Variants in MCTP1 observed in about 807,000 individuals in gnomAD.
MCTP1 encodes the protein multiple C2 and transmembrane domain containing 1.
MCTP1 carries 69 observed loss-of-function variants against 120.6 expected under a neutral mutation model. The observed-to-expected ratio is 0.57, with a 90% CI of 0.47 to 0.70. The LOEUF is 0.70. Ranked by LOEUF, MCTP1 falls within the 30% of genes least tolerant of loss-of-function variation. The pLI is 0.00. For missense variants in MCTP1, 1,203 were observed against 1,248.8 expected, an observed-to-expected ratio of 0.96 and a Z score of 0.55; for synonymous variants, 529 against 493.1, an observed-to-expected ratio of 1.07 and a Z score of -0.96.
intron 1 of MCTP1, among the ~76,000 whole-genome samples, chr5:95,139,542 A>G (rs1759736249): frequency 6.6e-6 from 1 of 152,220 alleles, no homozygotes; most frequent in South Asian, 2.1e-4. Flanking sequence ...TATTTTAGCC[A>G]AAGGAATTTT....
chr5:95,122,337 AAG>A (rs1758306122), intron 1 of MCTP1, among the ~76,000 whole-genome samples: 1 of 152,162 alleles, frequency 6.6e-6, no homozygotes, highest in Non-Finnish European at 1.5e-5. Flanking sequence ...AAATAGACAG[AAG>A]ATCTGAATAA....
At chr5:95,243,020 G>C (rs568607999) in intron 1 of MCTP1, among the ~76,000 whole-genome samples, 1 of 152,180 alleles carries the variant, frequency 6.6e-6, no homozygotes, top group Non-Finnish European at 1.5e-5. Flanking sequence ...CCATAAGCAA[G>C]ATGAATCCCA....
chr5:95,055,104 T>C lies in MCTP1; in HGVS notation c.721-37620A>G, dbSNP rs780214019. Among the ~76,000 whole-genome samples, 667 of 151,652 alleles carry C rather than the reference T, an allele frequency of 4.4e-3. 16 individuals are homozygous for C. The highest frequency in any genetic ancestry group is 1.2e-3 in the Non-Finnish European group (82 of 68,026). The stretch of plus-strand genomic sequence containing the variant: ...AAGCTGGAGCTATAATATTTCTTTC[T>C]TTTGGTGTATCTTAATGGGTAGTTC... On this transcript the variant is annotated intron_variant, in intron 1 of 22. Transcript: ENST00000515393.
Position 94,953,352 on chromosome 5 carries a change from T to A in MCTP1, c.848A>T (p.Asp283Val). Residue 283 changes from aspartate to valine, a missense_variant, in exon 3 of 23, where the codon GAT (aspartate) becomes GTT (valine). Asp to Val is a radical substitution (Grantham distance 152, BLOSUM62 -3). Coordinates refer to ENST00000515393, the MANE Select transcript of MCTP1 (RefSeq NM_024717.7). ...LAARDRGGTS[D>V]PYVKFKIGGK... ...TCCGATTTTAAACTTCACATATGGA[T>A]CACTCGTCCCTGTTAAATAGATAGA... 6.2e-7 allele frequency: 1 copy of A among 1,605,374 alleles called. No homozygotes were observed. The highest frequency in any genetic ancestry group is 1.1e-5 in the South Asian group (1 of 89,616).
At chr5:95,083,993 C>T (rs1755239146) in intron 1 of MCTP1, among the ~76,000 whole-genome samples, 1 of 151,980 alleles carries the variant, frequency 6.6e-6, no homozygotes, top group Non-Finnish European at 1.5e-5. Flanking sequence ...TAACATATTG[C>T]AGAAAAATAT....
At chr5:94,807,720 A>G (rs1782647232) in intron 17 of MCTP1, among the ~76,000 whole-genome samples, 1 of 70 alleles carries the variant, frequency 0.014, no homozygotes, top group African/African-American at 0.05. Flanking sequence ...GAAGGGAAAT[A>G]CTGGGCATTT....
At chr5:95,100,937 A>G (rs1756675589) in intron 1 of MCTP1, among the ~76,000 whole-genome samples, 1 of 152,222 alleles carries the variant, frequency 6.6e-6, no homozygotes, top group African/African-American at 2.4e-5. Flanking sequence ...TTCCCCCAAA[A>G]GGAACCAGGG....
At chr5:94,742,373 A>T (rs1765724085) in intron 19 of MCTP1, among the ~76,000 whole-genome samples, 2 of 152,106 alleles carry the variant, frequency 1.3e-5, no homozygotes, top group African/African-American at 4.8e-5. Context: ...ATATCTTTTT[A>T]TCAGTTTTAA....
chr5:94,982,577 AG>A (rs58619145), intron 2 of MCTP1, among the ~76,000 whole-genome samples: 7,709 of 152,138 alleles, frequency 0.051, 293 homozygotes, highest in Admixed American at 0.083. Flanking sequence ...GATGTAATTA[AG>A]GTTACTAATA....
At chr5:95,204,949 G>A (rs570151832) in intron 1 of MCTP1, among the ~76,000 whole-genome samples, 1 of 152,190 alleles carries the variant, frequency 6.6e-6, no homozygotes, top group South Asian at 2.1e-4. Context: ...CACTCTATCA[G>A]AATCCCAGTT....
chr5:94,954,493 A>T (rs1254919354), intron 2 of MCTP1, among the ~76,000 whole-genome samples: 1 of 152,096 alleles, frequency 6.6e-6, no homozygotes, highest in Non-Finnish European at 1.5e-5. Flanking sequence ...CTAAAAGCCC[A>T]GACTTTACCA....
At chr5:94,929,591 A>G (rs1814031094) in intron 6 of MCTP1, 1 of 829,130 alleles carries the variant, frequency 1.2e-6, no homozygotes, top group South Asian at 5.5e-5. Flanking sequence ...ACAGTAACAT[A>G]GTAAAATCTA....
chr5:94,983,597 G>T (rs1829886105), intron 2 of MCTP1, among the ~76,000 whole-genome samples: 1 of 152,122 alleles, frequency 6.6e-6, no homozygotes, highest in Non-Finnish European at 1.5e-5. Context: ...CTTGAGCTTA[G>T]AAGTTCACAA....
At chr5:95,100,210 T>A (rs947485055) in intron 1 of MCTP1, among the ~76,000 whole-genome samples, 1 of 151,862 alleles carries the variant, frequency 6.6e-6, no homozygotes, top group African/African-American at 2.4e-5. Context: ...CCAGCATGGC[T>A]CATGTATACA....
At chr5:95,032,968 A>G (rs963450602) in intron 1 of MCTP1, among the ~76,000 whole-genome samples, 1 of 152,096 alleles carries the variant, frequency 6.6e-6, no homozygotes, top group Non-Finnish European at 1.5e-5. Flanking sequence ...TATTATGAAC[A>G]TCTCCATGCA....
chr5:95,073,954 T>C (rs1404237975), intron 1 of MCTP1, among the ~76,000 whole-genome samples: 2 of 151,622 alleles, frequency 1.3e-5, no homozygotes, highest in African/African-American at 4.8e-5. Flanking sequence ...CTACTGAAAA[T>C]ACAAAAAAAA....
intron 17 of MCTP1, among the ~76,000 whole-genome samples, chr5:94,848,401 G>C (rs561007452): frequency 3.6e-4 from 55 of 151,808 alleles, no homozygotes; most frequent in African/African-American, 1.3e-3. Flanking sequence ...GTCACCCTCC[G>C]AGAAAATGCC....
chr5:95,019,114 C>A (rs1407382469), intron 1 of MCTP1, among the ~76,000 whole-genome samples: 1 of 151,974 alleles, frequency 6.6e-6, no homozygotes. Flanking sequence ...ACATACAGAT[C>A]TTTCTCTTTC....
At chr5:94,810,174 A>G (rs1044152139) in intron 17 of MCTP1, among the ~76,000 whole-genome samples, 2 of 152,138 alleles carry the variant, frequency 1.3e-5, no homozygotes, top group Admixed American at 1.3e-4. Context: ...GACAATTTCT[A>G]TATATTTTCT....
Sources: allele counts gnomAD v4.1 joint callset (sites outside exome capture counted in the v4.1 genomes callset), GRCh38; gene constraint gnomAD v4.1.1; transcripts MANE v1.5; gene names NCBI Gene and HGNC (gene_info 2026-07-23, HGNC 2026-07-21).